The following MOB3B variants were observed in gnomAD, a reference collection of about 807,000 sequenced individuals.
MOB3B encodes the protein MOB kinase activator 3B.
A neutral mutation model predicts 18.7 loss-of-function variants in MOB3B; 7 were observed. The observed-to-expected ratio is 0.37, with a 90% CI of 0.21 to 0.70. The LOEUF (loss-of-function observed/expected upper bound fraction) is 0.70. Among genes scored for constraint, MOB3B ranks in the 30% least tolerant of loss-of-function variants. MOB3B has a pLI of 0.52. For synonymous variants in MOB3B, 111 were observed against 99.9 expected (o/e 1.11, Z -0.66); for missense variants, 253 against 281.3 (o/e 0.90, Z 0.72).
intron 2 of MOB3B, among the ~76,000 whole-genome samples, chr9:27,424,229 C>T (rs1822295475): frequency 6.6e-6 from 1 of 152,130 alleles, no homozygotes; most frequent in Admixed American, 6.5e-5. Flanking sequence ...GTTTCTGTGG[C>T]TTCTTAAAGA....
intron 2 of MOB3B, among the ~76,000 whole-genome samples, chr9:27,416,172 T>C (rs1822144069): frequency 6.6e-6 from 1 of 152,128 alleles, no homozygotes. Flanking sequence ...AATAAACTCA[T>C]GGAAAAGGTT....
intron 2 of MOB3B, among the ~76,000 whole-genome samples, chr9:27,392,854 C>T (rs886147267): frequency 6.6e-6 from 1 of 152,236 alleles, no homozygotes; most frequent in Admixed American, 6.5e-5. Context: ...CTATTAATGA[C>T]CTTACATGGA....
chr9:27,368,684 G>A (rs1410668468), intron 2 of MOB3B, among the ~76,000 whole-genome samples: 2 of 152,148 alleles, frequency 1.3e-5, no homozygotes, highest in African/African-American at 2.4e-5. Flanking sequence ...CCTTTGTGCT[G>A]TCCTCCAGTC....
chr9:27,472,401 AC>A (rs912087522), intron 1 of MOB3B, among the ~76,000 whole-genome samples: 25 of 152,174 alleles, frequency 1.6e-4, no homozygotes, highest in African/African-American at 6.0e-4. Context: ...GCTGAGCCAA[AC>A]CCCTGCGGCG....
chr9:27,330,719 T>C, intron 3 of MOB3B, 103 bp from the exon 4 acceptor site: 1 of 1,512,162 alleles, frequency 6.6e-7, no homozygotes, highest in Non-Finnish European at 9.1e-7. Context: ...AGCCTGTAAA[T>C]GAAAGCTTGC....
chr9:27,447,806 T>G (rs566726039), intron 2 of MOB3B, among the ~76,000 whole-genome samples: 2 of 152,210 alleles, frequency 1.3e-5, no homozygotes, highest in Non-Finnish European at 2.9e-5. Context: ...ACCATCATAA[T>G]AGACCATCAA....
chr9:27,415,386 A>G (rs2131405745), intron 2 of MOB3B, among the ~76,000 whole-genome samples: 1 of 151,990 alleles, frequency 6.6e-6, no homozygotes, highest in East Asian at 2.0e-4. Flanking sequence ...ACATTAGCAG[A>G]AGCTGGGTGA....
At chr9:27,478,942 T>C (rs1231026117) in intron 1 of MOB3B, among the ~76,000 whole-genome samples, 1 of 150,350 alleles carries the variant, frequency 6.7e-6, no homozygotes, top group East Asian at 2.0e-4. Context: ...ATAATGGCAA[T>C]TAGATTGGTG....
At chr9:27,508,978 G>A (rs1011018761) in intron 1 of MOB3B, among the ~76,000 whole-genome samples, 1 of 152,156 alleles carries the variant, frequency 6.6e-6, no homozygotes, top group Non-Finnish European at 1.5e-5. Context: ...CAAGGTATGG[G>A]CAGAGCAAGA....
chr9:27,507,733 T>C (rs182517343), intron 1 of MOB3B, among the ~76,000 whole-genome samples: 152 of 152,322 alleles, frequency 1.0e-3, no homozygotes, highest in Non-Finnish European at 5.4e-4. Flanking sequence ...GTCAGTTATA[T>C]CTCAACATGC....
intron 2 of MOB3B, among the ~76,000 whole-genome samples, chr9:27,398,901 C>T (rs1821837853): frequency 6.6e-6 from 1 of 151,084 alleles, no homozygotes; most frequent in Admixed American, 6.6e-5. Context: ...TCTCTAGTTG[C>T]TAGTAGGCTG....
At chr9:27,497,574 A>C (rs969496457) in intron 1 of MOB3B, among the ~76,000 whole-genome samples, 1 of 151,984 alleles carries the variant, frequency 6.6e-6, no homozygotes, top group Non-Finnish European at 1.5e-5. Context: ...GTCTAGTTTC[A>C]GGTGATTTTA....
intron 2 of MOB3B, among the ~76,000 whole-genome samples, chr9:27,370,852 C>T (rs1172935573): frequency 6.6e-6 from 1 of 152,148 alleles, no homozygotes; most frequent in African/African-American, 2.4e-5. Context: ...CAAGCACTGG[C>T]CCTTGAGTCA....
intron 1 of MOB3B, among the ~76,000 whole-genome samples, chr9:27,492,528 A>G (rs748819523): frequency 6.6e-6 from 1 of 152,228 alleles, no homozygotes; most frequent in Non-Finnish European, 1.5e-5. Flanking sequence ...AAAGGTTTTC[A>G]GAAATGAAAT....
At chr9:27,470,114 G>GAAAGAA (rs1819449320) in intron 1 of MOB3B, among the ~76,000 whole-genome samples, 1 of 125,968 alleles carries the variant, frequency 7.9e-6, no homozygotes, top group Admixed American at 8.6e-5. Context: ...TCTCTTAAAA[G>GAAAGAA]AAAAAAAAAA....
At chr9:27,505,278 C>T (rs945370289) in intron 1 of MOB3B, among the ~76,000 whole-genome samples, 2 of 152,136 alleles carry the variant, frequency 1.3e-5, no homozygotes, top group African/African-American at 4.8e-5. Flanking sequence ...TGTGTCCGTA[C>T]CTAGACCTCC....
intron 1 of MOB3B, among the ~76,000 whole-genome samples, chr9:27,507,549 G>T (rs1385813638): frequency 6.6e-6 from 1 of 152,176 alleles, no homozygotes; most frequent in Admixed American, 6.5e-5. Context: ...CCAGGTCTCA[G>T]TTGATTTCTT....
chr9:27,505,528 C>A (rs1207814204), intron 1 of MOB3B, among the ~76,000 whole-genome samples: 1 of 152,224 alleles, frequency 6.6e-6, no homozygotes, highest in Admixed American at 6.5e-5. Flanking sequence ...ACTTGCTTAA[C>A]TCTGAGTTTT....
At chr9:27,503,607 T>C (rs1297486542) in intron 1 of MOB3B, among the ~76,000 whole-genome samples, 2 of 152,214 alleles carry the variant, frequency 1.3e-5, no homozygotes, top group Non-Finnish European at 2.9e-5. Context: ...CTTGCTAAAA[T>C]ACTGATTAGC....
Sources: allele counts gnomAD v4.1 joint callset (sites outside exome capture counted in the v4.1 genomes callset), GRCh38; gene constraint gnomAD v4.1.1; transcripts MANE v1.5; gene names NCBI Gene and HGNC (gene_info 2026-07-23, HGNC 2026-07-21).